Variants in MRTFA observed in about 807,000 individuals in gnomAD.
MRTFA encodes the protein myocardin related transcription factor A.
In MRTFA, 20 loss-of-function variants were observed where a neutral mutation model predicts 83.5. The ratio of observed to expected loss-of-function variants is 0.24; its 90% CI spans 0.17 to 0.35. The LOEUF is 0.35. Ranked by LOEUF, MRTFA falls within the 10% of genes least tolerant of loss-of-function variation. The pLI is 1.00. For missense variants in MRTFA, 1,200 were observed against 1,224.7 expected, an observed-to-expected ratio of 0.98 and a Z score of 0.30; for synonymous variants, 659 against 541.2, an observed-to-expected ratio of 1.22 and a Z score of -3.02.
intron 3 of MRTFA, among the ~76,000 whole-genome samples, chr22:40,496,897 G>C (rs949807630): frequency 6.6e-6 from 1 of 152,174 alleles, no homozygotes; most frequent in African/African-American, 2.4e-5. Flanking sequence ...CTCTACAAAG[G>C]AGTGGCTGGA....
intron 2 of MRTFA, among the ~76,000 whole-genome samples, chr22:40,555,565 C>A (rs542118742): frequency 6.6e-6 from 1 of 151,422 alleles, no homozygotes; most frequent in South Asian, 2.1e-4. Context: ...ACCAATTAAA[C>A]CTCATAAATT....
At chr22:40,427,329 T>C (rs1281586219) in intron 7 of MRTFA, among the ~76,000 whole-genome samples, 3 of 152,176 alleles carry the variant, frequency 2.0e-5, no homozygotes, top group Non-Finnish European at 4.4e-5. Flanking sequence ...GGGCCCAGTG[T>C]GGGCCAGCCT....
chr22:40,621,979 C>T lies in MRTFA; in HGVS notation c.-84+14499G>A, dbSNP rs543329282. Reference sequence around the variant, plus strand: ...TCAGAGTTGGTGACAGAAGAGATCTCGGGCTTGAGTTGATGTTGCAATGGG... The same window carrying T: ...TCAGAGTTGGTGACAGAAGAGATCTTGGGCTTGAGTTGATGTTGCAATGGG... On this transcript the variant is annotated intron_variant, in intron 1 of 14. Coordinates refer to ENST00000355630, the MANE Select transcript of MRTFA (RefSeq NM_020831.6). 6.2e-4 allele frequency among the ~76,000 whole-genome samples: 95 copies of T among 152,162 alleles called. 1 individual carries two copies. The Middle Eastern group carries it at 0.014, about 22-fold the overall frequency.
chr22:40,622,468 G>GA (rs2056534772), intron 1 of MRTFA, among the ~76,000 whole-genome samples: 1 of 124,856 alleles, frequency 8.0e-6, no homozygotes, highest in Non-Finnish European at 1.7e-5. Context: ...GTGACAGAGC[G>GA]AGACTCCCAT....
At chr22:40,548,249 C>T (rs762193706) in intron 3 of MRTFA, among the ~76,000 whole-genome samples, 4 of 148,596 alleles carry the variant, frequency 2.7e-5, no homozygotes, top group African/African-American at 5.0e-5. Flanking sequence ...ATCCCAGCTA[C>T]TCAGGAGGCT....
At chr22:40,517,525 G>T (rs2054781570) in intron 3 of MRTFA, among the ~76,000 whole-genome samples, 2 of 152,192 alleles carry the variant, frequency 1.3e-5, no homozygotes, top group Admixed American at 6.5e-5. Flanking sequence ...CGTAAAATGG[G>T]ATAAGAGCAC....
intron 2 of MRTFA, among the ~76,000 whole-genome samples, chr22:40,562,639 G>A (rs1172010902): frequency 1.4e-5 from 1 of 73,972 alleles, no homozygotes; most frequent in Non-Finnish European, 2.9e-5. Flanking sequence ...AAGGGGGAAA[G>A]GGGGGGAGGA....
In MRTFA at chr22:40,552,286, C is replaced by T. The variant is rs1347016562; in HGVS notation, c.61G>A (p.Gly21Arg). Reference sequence around the variant, plus strand: ...TCATCATTTTCGCCGGCCCCTCCTCCGTCCAGCCCATTCACAGCAATGACG... The same window carrying T: ...TCATCATTTTCGCCGGCCCCTCCTCTGTCCAGCCCATTCACAGCAATGACG... The change falls in exon 3 of 15, where the codon GGA becomes AGA. Residue 21 changes from glycine to arginine, a missense_variant. This residue lies in a region of MRTFA where 93 missense variants were observed against 182.9 expected (regional missense o/e 0.51). Coordinates refer to ENST00000355630, the MANE Select transcript of MRTFA (RefSeq NM_020831.6). The T allele has an allele frequency of 1.3e-5, 5 of 398,908 alleles. No individual in the cohort carries two copies. The highest frequency in any genetic ancestry group is 3.6e-5 in the East Asian group (1 of 28,090). The allele number at this position is 398,908 out of a possible 1,614,324, so 24.7% of individuals were successfully genotyped here.
chr22:40,507,746 C>G (rs898284797), intron 3 of MRTFA, among the ~76,000 whole-genome samples: 13 of 151,832 alleles, frequency 8.6e-5, no homozygotes, highest in African/African-American at 1.7e-4. Context: ...GGGTGGATCA[C>G]GAGGTCAGGA....
intron 3 of MRTFA, among the ~76,000 whole-genome samples, chr22:40,475,121 G>A (rs978862487): frequency 4.6e-5 from 7 of 152,114 alleles, no homozygotes; most frequent in African/African-American, 7.2e-5. Flanking sequence ...TTACAGGTGT[G>A]AGCCACTGCG....
chr22:40,528,248 A>G (rs2055013232), intron 3 of MRTFA, among the ~76,000 whole-genome samples: 1 of 152,164 alleles, frequency 6.6e-6, no homozygotes, highest in South Asian at 2.1e-4. Context: ...CTAAGATGTG[A>G]GTCATTCTGA....
At chr22:40,477,112 G>T (rs943458856) in intron 3 of MRTFA, among the ~76,000 whole-genome samples, 1 of 144,798 alleles carries the variant, frequency 6.9e-6, no homozygotes, top group African/African-American at 2.6e-5. Context: ...GGCAGATCAC[G>T]TGAGGTCAGG....
chr22:40,580,994 A>G (rs1280215073), intron 2 of MRTFA, among the ~76,000 whole-genome samples: 1 of 151,798 alleles, frequency 6.6e-6, no homozygotes, highest in African/African-American at 2.4e-5. Context: ...TTTTTTTTTA[A>G]ATAATAGAAA....
At chr22:40,560,977 T>C (rs1037025516) in intron 2 of MRTFA, among the ~76,000 whole-genome samples, 1 of 152,234 alleles carries the variant, frequency 6.6e-6, no homozygotes, top group Admixed American at 6.5e-5. Context: ...AAGGTGGTTC[T>C]ATGCGACCAA....
chr22:40,553,356 G>A (rs538772749), intron 2 of MRTFA, among the ~76,000 whole-genome samples: 8 of 152,244 alleles, frequency 5.3e-5, no homozygotes, highest in East Asian at 1.9e-4. Flanking sequence ...TCACAGCAGC[G>A]CCTCGAAGGC....
chr22:40,603,862 C>A (rs1221868594), intron 1 of MRTFA, among the ~76,000 whole-genome samples: 2 of 151,458 alleles, frequency 1.3e-5, no homozygotes, highest in Non-Finnish European at 2.9e-5. Context: ...ATCCTCCCAC[C>A]TTGGCCTTCC....
intron 1 of MRTFA, among the ~76,000 whole-genome samples, chr22:40,606,181 A>C (rs2056317175): frequency 6.6e-6 from 1 of 152,248 alleles, no homozygotes; most frequent in Non-Finnish European, 1.5e-5. Flanking sequence ...TGAAAAAAAA[A>C]AAATTCTCAT....
chr22:40,627,258 T>G (rs2056593054), intron 1 of MRTFA, among the ~76,000 whole-genome samples: 1 of 152,156 alleles, frequency 6.6e-6, no homozygotes, highest in Non-Finnish European at 1.5e-5. Flanking sequence ...GCACTACAAG[T>G]GCATGTCACC....
chr22:40,450,735 G>A (rs1237166780), intron 4 of MRTFA, among the ~76,000 whole-genome samples: 1 of 152,132 alleles, frequency 6.6e-6, no homozygotes, highest in African/African-American at 2.4e-5. Context: ...TGGGATTACA[G>A]GCTTGAGCCA....
Sources: allele counts gnomAD v4.1 joint callset (sites outside exome capture counted in the v4.1 genomes callset), GRCh38; gene constraint gnomAD v4.1.1; regional missense constraint gnomAD v4.1.1; transcripts MANE v1.5; gene names NCBI Gene and HGNC (gene_info 2026-07-23, HGNC 2026-07-21).